Variants in REST observed in about 807,000 individuals in gnomAD.
REST encodes RE1 silencing transcription factor, also known as RE1-silencing transcription factor.
Under a neutral mutation model 30.4 loss-of-function variants are expected in REST, and 1 was observed. That is an observed-to-expected ratio of 0.03 (90% confidence interval 0.01 to 0.16). The LOEUF is 0.16. REST is among the 10% of genes least tolerant of loss of function. REST has a pLI of 1.00. For missense variants in REST, 1,259 were observed against 1,329.5 expected (o/e 0.95, Z 0.82); for synonymous variants, 504 against 451.1 (o/e 1.12, Z -1.49).
At chr4:56,927,679 A>G (rs1578509642) in intron 3 of REST, 6 of 1,206,766 alleles carry the variant, frequency 5.0e-6, no homozygotes, top group African/African-American at 1.6e-5. Flanking sequence ...GTATTCAGGT[A>G]GAATGTATTA....
Position 56,931,233 on chromosome 4 carries a change from C to T in REST, c.2375C>T (p.Pro792Leu). 1 of 1,614,194 alleles carries T rather than the reference C, an allele frequency of 6.2e-7. No homozygotes were observed. The highest frequency in any genetic ancestry group is 8.5e-7 in the Non-Finnish European group (1 of 1,180,016). The change falls in exon 4 of 4, where the codon CCT becomes CTT. Residue 792 changes from proline to leucine, a missense_variant. Physicochemically the swap from Pro to Leu is moderately conservative, Grantham distance 98 (BLOSUM62 -3). This residue lies in a region of REST where 856 missense variants were observed against 772.8 expected (regional missense o/e 1.11). Transcript: ENST00000309042. ...SPPMGVVQKE[P>L]AQREPPPPRE... ...CCCATGGGGGTGGTTCAGAAGGAGC[C>T]TGCTCAGAGGGAGCCACCTCCTCCC...
intron 3 of REST, chr4:56,927,550 ATGTT>A (rs1434932503): frequency 5.2e-5 from 33 of 635,426 alleles, no homozygotes; most frequent in African/African-American, 2.2e-4. Flanking sequence ...GAATTTGAGA[ATGTT>A]TGAGATGAAT....
chr4:56,926,379 A>G (rs570319261), intron 3 of REST, among the ~76,000 whole-genome samples: 3 of 141,426 alleles, frequency 2.1e-5, no homozygotes, highest in East Asian at 4.4e-4. Context: ...AGCCTTTTTT[A>G]TTTATTTATT....
At chr4:56,921,583 T>A (rs1720455514) in intron 3 of REST, among the ~76,000 whole-genome samples, 1 of 151,964 alleles carries the variant, frequency 6.6e-6, no homozygotes, top group Admixed American at 6.6e-5. Flanking sequence ...CTAATTTTTG[T>A]AATTTTAGTA....
intron 3 of REST, among the ~76,000 whole-genome samples, chr4:56,923,214 C>T (rs538106246): frequency 5.1e-4 from 78 of 152,290 alleles, no homozygotes; most frequent in African/African-American, 1.4e-3. Flanking sequence ...CTTAGTACTA[C>T]GAAGATACTG....
chr4:56,919,684 T>G (rs1720362354), intron 2 of REST, 103 bp from the exon 3 acceptor site: 2 of 557,306 alleles, frequency 3.6e-6, no homozygotes. Flanking sequence ...AAAAAATTCT[T>G]GTTAAAATGT....
intron 3 of REST, among the ~76,000 whole-genome samples, chr4:56,928,171 G>T (rs538897683): frequency 6.6e-6 from 1 of 152,270 alleles, no homozygotes; most frequent in South Asian, 2.1e-4. Flanking sequence ...GCAGTGGTGC[G>T]ATCTTGGCTC....
intron 3 of REST, among the ~76,000 whole-genome samples, chr4:56,925,678 ATTGT>A (rs923955037): frequency 2.6e-5 from 4 of 152,254 alleles, no homozygotes; most frequent in South Asian, 2.1e-4. Context: ...AGAATTTAAA[ATTGT>A]TTGTACAGGG....
intron 3 of REST, among the ~76,000 whole-genome samples, chr4:56,924,982 ATGG>A (rs1720620382): frequency 6.6e-6 from 1 of 152,006 alleles, no homozygotes; most frequent in Admixed American, 6.6e-5. Flanking sequence ...GCTGGCCAAC[ATGG>A]TGGTACCCCA....
intron 3 of REST, among the ~76,000 whole-genome samples, chr4:56,922,998 T>G (rs552382665): frequency 3.9e-5 from 6 of 152,372 alleles, no homozygotes; most frequent in African/African-American, 1.4e-4. Flanking sequence ...TTATGGTGTT[T>G]TACACCAGTT....
At position 56,934,573 on chromosome 4, in the gene REST, A is replaced by G. The variant is rs1221965226; in HGVS notation, c.*2421A>G. ...ATATTAGGTTCTGAACCTTAATGCC[A>G]TGTATTTGTACTTACTAAAAATTGT... On this transcript the variant is annotated 3_prime_UTR_variant, in exon 4 of 4. Coordinates refer to ENST00000309042, the MANE Select transcript of REST (RefSeq NM_005612.5). 1 of 152,190 alleles carries G rather than the reference A, an allele frequency of 6.6e-6. No homozygotes were observed. Among genetic ancestry groups the G allele is most frequent in the Non-Finnish European group, 1.5e-5 (1 of 68,018 alleles). 9.4% of individuals were successfully genotyped at this position (152,190 alleles called of 1,614,324 possible).
chr4:56,930,979 A>C lies in REST; in HGVS notation c.2121A>C (p.Glu707Asp), dbSNP rs1386263469. The C allele has an allele frequency of 1.9e-6, 3 of 1,614,070 alleles. No homozygotes were observed. The South Asian group carries it at 3.3e-5, about 18-fold the overall frequency. The change falls in exon 4 of 4, where the codon GAA becomes GAC. Residue 707 changes from glutamate to aspartate, a missense_variant. By Grantham distance (45) the Glu-to-Asp change is conservative. Coordinates refer to ENST00000309042, the MANE Select transcript of REST (RefSeq NM_005612.5). ...EVAQMGPAPM[E>D]PAQMEVAQVE... ...CCCAAATGGGGCCTGCTCCCATGGA[A>C]CCTGCTCAGATGGAGGTTGCCCAGG...
rs369445358 is a variant in REST at position 56,931,980 on chromosome 4, A to C, written c.3122A>C (p.Glu1041Ala). The C allele has an allele frequency of 6.2e-7, 1 of 1,614,070 alleles. No homozygotes were observed. The highest frequency in any genetic ancestry group is 8.5e-7 in the Non-Finnish European group (1 of 1,180,036). Residue 1041 changes from glutamate (E) to alanine (A), a missense_variant, in exon 4 of 4, where the codon GAA (glutamate) becomes GCA (alanine). Physicochemically the swap from Glu to Ala is moderately radical, Grantham distance 107. This residue lies in a region of REST where 856 missense variants were observed against 772.8 expected (regional missense o/e 1.11). Coordinates refer to ENST00000309042, the MANE Select transcript of REST (RefSeq NM_005612.5). ...GLHGARPVPQESSRKNAKEAL... is the reference protein window; with the variant it reads ...GLHGARPVPQASSRKNAKEAL... ...CATGGGGCTCGGCCAGTTCCACAAG[A>C]ATCTAGCAGAAAAAATGCAAAGGAA...
Position 56,931,215 on chromosome 4 carries a change from G to T in REST, c.2357G>T (p.Gly786Val), listed in dbSNP as rs867079701. 4 of 1,613,642 alleles carry T rather than the reference G, an allele frequency of 2.5e-6. No homozygotes were observed. In the Admixed American group the frequency reaches 5.0e-5, roughly 20 times the overall value. The change falls in exon 4 of 4, where the codon GGG (glycine) becomes GTG (valine). Residue 786 changes from glycine (G) to valine (V), a missense_variant. Transcript: ENST00000309042. ...CAGATGGAGTTGTCTCCTCCCATGGGGGTGGTTCAGAAGGAGCCTGCTCAG... is the reference window on the plus strand; with the variant it reads ...CAGATGGAGTTGTCTCCTCCCATGGTGGTGGTTCAGAAGGAGCCTGCTCAG... ...PVQMELSPPM[G>V]VVQKEPAQRE...
At chr4:56,925,726 A>C (rs1032710110) in intron 3 of REST, among the ~76,000 whole-genome samples, 4 of 152,228 alleles carry the variant, frequency 2.6e-5, no homozygotes, top group African/African-American at 9.6e-5. Flanking sequence ...ACTAATTAGA[A>C]AATCTTGATG....
At position 56,929,931 on chromosome 4, in the gene REST, C is replaced by T. The variant is rs1298563122; in HGVS notation, c.1073C>T (p.Pro358Leu). The T allele has an allele frequency of 6.2e-7, 1 of 1,614,090 alleles. No homozygotes were observed. ...CATGCAAGACAGGTTCACAATGGGC[C>T]TAAACCTCTTAATTGCCCACACTGT... ...TRHARQVHNGPKPLNCPHCDY... is the reference protein window; with the variant it reads ...TRHARQVHNGLKPLNCPHCDY... Residue 358 changes from proline (P) to leucine (L), a missense_variant, in exon 4 of 4, where the codon CCT (proline) becomes CTT (leucine). By Grantham distance (98) the Pro-to-Leu change is moderately conservative (BLOSUM62 -3). Coordinates refer to ENST00000309042, the MANE Select transcript of REST (RefSeq NM_005612.5).
Position 56,925,362 on chromosome 4 carries a change from G to T in REST, c.983-4479G>T, listed in dbSNP as rs112411292. On this transcript the variant is annotated intron_variant, in intron 3 of 3. Transcript: ENST00000309042. ...GGAGTAGGTGGCACTGTAGGCTTGT[G>T]CTATAACATGTGGCTAATTTAAAAA... 2.7e-3 allele frequency among the ~76,000 whole-genome samples: 407 copies of T among 148,564 alleles called. 2 individuals carry two copies. The highest frequency in any genetic ancestry group is 9.4e-3 in the African/African-American group (385 of 41,132).
rs1721038158 is a variant in REST at position 56,933,226 on chromosome 4, T to G, written c.*1074T>G. On this transcript the variant is annotated 3_prime_UTR_variant, in exon 4 of 4. Transcript: ENST00000309042. ...CAGTTTTTTTTTTCATGTGTTTTGG[T>G]ACAGCTAATTCCTAATTGTAGAGTG... is the stretch of plus-strand genomic sequence containing the variant. 1 of 152,194 alleles carries G rather than the reference T, an allele frequency of 6.6e-6. No homozygotes were observed. Among genetic ancestry groups the G allele is most frequent in the Non-Finnish European group, 1.5e-5 (1 of 68,044 alleles). 9.4% of individuals were successfully genotyped at this position (152,194 alleles called of 1,614,324 possible).
rs1401800389 is a variant in REST at position 56,930,694 on chromosome 4, G to A, written c.1836G>A (p.Gln612=). The part of the protein sequence containing the change: ...EKGSAQMDPP[Q]MGPAPTEAVQ... ...GATCTGCTCAGATGGACCCTCCTCAGATGGGGCCTGCTCCCACAGAGGCGG... is the reference window on the plus strand; with the variant it reads ...GATCTGCTCAGATGGACCCTCCTCAAATGGGGCCTGCTCCCACAGAGGCGG... Residue 612 remains glutamine, a synonymous_variant, in exon 4 of 4, where the codon CAG becomes CAA. Transcript: ENST00000309042. 2 of 1,611,228 alleles carry A rather than the reference G, an allele frequency of 1.2e-6. No individual in the cohort carries two copies. Among genetic ancestry groups the A allele is most frequent in the South Asian group, 1.1e-5 (1 of 90,476 alleles).
Sources: gnomAD v4.1 joint callset for allele counts (sites outside exome capture counted in the v4.1 genomes callset) on GRCh38, gnomAD v4.1.1 for gene constraint, gnomAD v4.1.1 regional missense constraint, MANE v1.5 for transcripts, NCBI Gene and HGNC (gene_info 2026-07-23, HGNC 2026-07-21) for gene names.